TP53I11: variants seen among roughly 807,000 people sequenced by gnomAD.
TP53I11 encodes the protein tumor protein p53 inducible protein 11.
A neutral mutation model predicts 23.3 loss-of-function variants in TP53I11; 9 were observed. The observed-to-expected ratio is 0.39, with a 90% CI of 0.23 to 0.67. The LOEUF is 0.67. Among genes scored for constraint, TP53I11 ranks in the 30% least tolerant of loss-of-function variants. The pLI, the probability that TP53I11 is intolerant of heterozygous loss-of-function variation, is 0.48. For synonymous variants in TP53I11, 100 were observed against 106.1 expected (o/e 0.94, Z 0.35); for missense variants, 170 against 255.2 (o/e 0.67, Z 2.27).
chr11:44,950,868 G>A lies in TP53I11; in HGVS notation c.-223C>T. ...ACTGCGCGCGGCGCCCTGCGCGGCC[G>A]GGGCTTACCGAGTCTGGCGGCCCGC... On this transcript the variant is annotated 5_prime_UTR_variant, in exon 1 of 7. Coordinates refer to ENST00000525680, the MANE Select transcript of TP53I11 (RefSeq NM_006034.5). The A allele has an allele frequency of 6.6e-6, 1 of 152,292 alleles. No homozygotes were observed. Among genetic ancestry groups the A allele is most frequent in the Non-Finnish European group, 1.5e-5 (1 of 68,350 alleles). 9.4% of individuals were successfully genotyped at this position (152,292 alleles called of 1,614,324 possible).
At chr11:44,950,217 G>C (rs953862428) in intron 1 of TP53I11, 1 of 152,324 alleles carries the variant, frequency 6.6e-6, no homozygotes, top group Non-Finnish European at 1.5e-5. Flanking sequence ...ATGGCGGGAG[G>C]GGGAGGGGAC....
intron 1 of TP53I11, among the ~76,000 whole-genome samples, chr11:44,948,723 G>T (rs760597209): frequency 6.6e-6 from 1 of 152,228 alleles, no homozygotes; most frequent in Non-Finnish European, 1.5e-5. Flanking sequence ...CAAACATTTT[G>T]TTCAATAAGC....
Position 44,935,598 on chromosome 11 carries a change from C to G in TP53I11, c.399G>C (p.Leu133=), listed in dbSNP as rs371967826. 65 of 1,613,556 alleles carry G rather than the reference C, an allele frequency of 4.0e-5. 1 individual carries two copies. The African/African-American group carries it at 6.7e-4, about 17-fold the overall frequency. Residue 133 remains leucine (L), a synonymous_variant, in exon 6 of 7, where the codon CTG becomes CTC. Coordinates refer to ENST00000525680, the MANE Select transcript of TP53I11 (RefSeq NM_006034.5). ...TAEKVIIRWT[L]LTEACYFGVQ... Reference sequence around the variant, plus strand: ...CCCCGAAATAGCAAGCTTCGGTGAGCAGGGTCCATCGAATGATGACCTTCT... The same window carrying G: ...CCCCGAAATAGCAAGCTTCGGTGAGGAGGGTCCATCGAATGATGACCTTCT...
chr11:44,937,488 G>T, intron 3 of TP53I11, 67 bp downstream of exon 3: 2 of 1,584,416 alleles, frequency 1.3e-6, no homozygotes, highest in Non-Finnish European at 1.7e-6. Context: ...AATGAGGTGA[G>T]GTCTTATGCA....
intron 1 of TP53I11, among the ~76,000 whole-genome samples, chr11:44,949,583 G>C (rs1458759273): frequency 2.0e-5 from 3 of 152,152 alleles, no homozygotes; most frequent in African/African-American, 7.2e-5. Flanking sequence ...GCCCGAGACT[G>C]GGTCAGGGCG....
At chr11:44,941,938 A>G (rs1209230478) in intron 1 of TP53I11, among the ~76,000 whole-genome samples, 1 of 97,038 alleles carries the variant, frequency 1.0e-5, no homozygotes, top group Admixed American at 1.2e-4. Flanking sequence ...ACCCCTCTCC[A>G]CCAACACATG....
At chr11:44,946,891 G>T in intron 1 of TP53I11, 5 of 392,424 alleles carry the variant, frequency 1.3e-5, no homozygotes, top group Non-Finnish European at 2.1e-5. Flanking sequence ...CCCAAGACCC[G>T]CCACCCCTCA....
chr11:44,938,496 T>C, intron 1 of TP53I11, 130 bp from the exon 2 acceptor site: 1 of 1,081,736 alleles, frequency 9.2e-7, no homozygotes, highest in Non-Finnish European at 1.3e-6. Flanking sequence ...CCCAGGGCAG[T>C]AGGGGGAGTA....
chr11:44,937,825 T>C (rs531627900), intron 2 of TP53I11, among the ~76,000 whole-genome samples: 1 of 152,346 alleles, frequency 6.6e-6, no homozygotes, highest in Non-Finnish European at 1.5e-5. Context: ...AATATGATGG[T>C]GACGTATGAA....
At chr11:44,949,545 T>TC (rs1477329484) in intron 1 of TP53I11, among the ~76,000 whole-genome samples, 1 of 150,870 alleles carries the variant, frequency 6.6e-6, no homozygotes, top group East Asian at 2.0e-4. Flanking sequence ...AGAAACCCAC[T>TC]CCCCCCGGGC....
chr11:44,942,014 GCCA>G (rs1861813571), intron 1 of TP53I11, among the ~76,000 whole-genome samples: 1 of 5,766 alleles, frequency 1.7e-4, no homozygotes, highest in East Asian at 4.3e-3. Context: ...CCATACTCAC[GCCA>G]CACACACACC....
intron 5 of TP53I11, chr11:44,935,894 T>C (rs1177155974): frequency 2.7e-5 from 16 of 585,718 alleles, no homozygotes; most frequent in Middle Eastern, 4.5e-4. Context: ...CAAGGCCCTA[T>C]GTGACACTGG....
At chr11:44,937,239 GA>G in intron 4 of TP53I11, 64 bp downstream of exon 4, 1 of 1,524,308 alleles carries the variant, frequency 6.6e-7, no homozygotes, top group South Asian at 1.2e-5. Context: ...CACCTCTGGT[GA>G]GCCAGAGAAG....
chr11:44,947,249 ACT>A, intron 1 of TP53I11: 1 of 398,246 alleles, frequency 2.5e-6, no homozygotes, highest in South Asian at 1.8e-5. Flanking sequence ...GTCCTTTTCG[ACT>A]CTGAGAATAG....
intron 4 of TP53I11, 138 bp from the exon 5 acceptor site, chr11:44,937,037 A>G (rs112448334): frequency 3.9e-6 from 3 of 762,374 alleles, no homozygotes; most frequent in South Asian, 1.8e-5. Context: ...TCTGGACCCA[A>G]TTGTCCCCAC....
Position 44,936,384 on chromosome 11 carries a change from G to C in TP53I11, c.334+419C>G. The stretch of plus-strand genomic sequence containing the variant: ...ATCCTAACGTGTGCATCTCAGGTTA[G>C]AGAGGAAACAGAAGTGGTTCAAACA... On this transcript the variant is annotated intron_variant, in intron 5 of 6. Coordinates refer to ENST00000525680, the MANE Select transcript of TP53I11 (RefSeq NM_006034.5). This position sits in a 1 kb window ranked among gnomAD's most constrained non-coding sequence, Gnocchi z 4.4. 8.1e-7 allele frequency: 1 copy of C among 1,231,186 alleles called. No homozygotes were observed. The highest frequency in any genetic ancestry group is 4.2e-5 in the South Asian group (1 of 23,720). 76.3% of individuals were successfully genotyped at this position (1,231,186 alleles called of 1,614,324 possible). A position where few individuals can be genotyped will look rare whatever the true frequency, so the allele number is the denominator to read the frequency against.
rs1860747199 is a variant in TP53I11 at position 44,933,352 on chromosome 11, CTATAGACA to C, written c.*1524_*1531del. 1.3e-5 allele frequency: 2 copies of C among 152,402 alleles called. No individual in the cohort carries two copies. Among genetic ancestry groups the C allele is most frequent in the African/African-American group, 4.8e-5 (2 of 41,452 alleles). The allele number at this position is 152,402 out of a possible 1,614,324, so 9.4% of individuals were successfully genotyped here. A position where few individuals can be genotyped will look rare whatever the true frequency, so the allele number is the denominator to read the frequency against. ...TGGCAGCAGCCAGAGCGGGCTGTAC[CTATAGACA>C]CCCTCCAGCCATCCCCCACTCTATG... On this transcript the variant is annotated 3_prime_UTR_variant, in exon 7 of 7. Transcript: ENST00000525680.
rs186749989 is a variant in TP53I11 at position 44,939,196 on chromosome 11, C to G, written c.-31-830G>C. ...GCGTCCTCAGTCAGCCAAATCTATGCAGAGGAGACAGCAGTGTAAACGGGG... is the reference window on the plus strand; with the variant it reads ...GCGTCCTCAGTCAGCCAAATCTATGGAGAGGAGACAGCAGTGTAAACGGGG... On this transcript the variant is annotated intron_variant, in intron 1 of 6. Transcript: ENST00000525680. 8.3e-4 allele frequency: 126 copies of G among 152,430 alleles called. 3 individuals are homozygous for G. The highest frequency in any genetic ancestry group is 2.4e-3 in the African/African-American group (98 of 41,572). The allele number at this position is 152,430 out of a possible 1,614,324, so 9.4% of individuals were successfully genotyped here.
In TP53I11 at chr11:44,934,755, C is replaced by T. The variant is rs1280550598; in HGVS notation, c.*129G>A. 1.4e-5 allele frequency: 19 copies of T among 1,322,472 alleles called. No individual in the cohort carries two copies. Among genetic ancestry groups the T allele is most frequent in the Non-Finnish European group, 1.7e-5 (17 of 978,680 alleles). 81.9% of individuals were successfully genotyped at this position (1,322,472 alleles called of 1,614,324 possible). A position where few individuals can be genotyped will look rare whatever the true frequency, so the allele number is the denominator to read the frequency against. On this transcript the variant is annotated 3_prime_UTR_variant, in exon 7 of 7. Coordinates refer to ENST00000525680, the MANE Select transcript of TP53I11 (RefSeq NM_006034.5). ...CCAGGAGGAAAGGAAGGCCCCCCAC[C>T]CCCTGCCTCCCTGGGGCAGGACTGG...
Sources: allele counts gnomAD v4.1 joint callset (sites outside exome capture counted in the v4.1 genomes callset), GRCh38; gene constraint gnomAD v4.1.1; non-coding constraint Gnocchi (gnomAD v3.1); transcripts MANE v1.5; gene names NCBI Gene and HGNC (gene_info 2026-07-23, HGNC 2026-07-21).